Variants in GPATCH1 observed in about 807,000 individuals in gnomAD.
GPATCH1 encodes G patch domain-containing protein 1.
Under a neutral mutation model 114.9 loss-of-function variants are expected in GPATCH1, and 73 were observed. The observed-to-expected ratio is 0.64, with a 90% CI of 0.53 to 0.77. GPATCH1 has a LOEUF of 0.77. Among genes scored for constraint, GPATCH1 ranks in the 30% least tolerant of loss-of-function variants. GPATCH1 has a pLI of 0.00. For missense variants in GPATCH1, 1,058 were observed against 1,144.3 expected (o/e 0.92, Z 1.09); for synonymous variants, 391 against 428.4 (o/e 0.91, Z 1.08).
At chr19:33,118,541 A>G (rs1398502261) in intron 16 of GPATCH1, among the ~76,000 whole-genome samples, 1 of 152,190 alleles carries the variant, frequency 6.6e-6, no homozygotes, top group East Asian at 1.9e-4. Context: ...TCTGCTTAAA[A>G]AACAAGATTA....
rs774925528 is a variant in GPATCH1 at position 33,126,674 on chromosome 19, C to A, written c.2706C>A (p.Ser902Arg). 3.2e-5 allele frequency: 51 copies of A among 1,613,940 alleles called. No homozygotes were observed. The highest frequency in any genetic ancestry group is 4.0e-5 in the African/African-American group (3 of 74,884). Residue 902 changes from serine to arginine, a missense_variant, in exon 19 of 20, where the codon AGC (serine) becomes AGA (arginine). This residue lies in a region of GPATCH1 where 893 missense variants were observed against 977.4 expected (regional missense o/e 0.91). Transcript: ENST00000170564. Reference protein sequence around the residue: ...EKSSSSESSDSSDSQSDEETA... With the variant: ...EKSSSSESSDRSDSQSDEETA... ...GTAGTAGCTCCGAGAGTTCCGACAG[C>A]AGCGACAGCCAGAGTGACGAGGAAA... is the stretch of plus-strand genomic sequence containing the variant.
intron 8 of GPATCH1, among the ~76,000 whole-genome samples, chr19:33,098,740 G>T (rs1972691995): frequency 6.6e-6 from 1 of 152,126 alleles, no homozygotes; most frequent in African/African-American, 2.4e-5. Context: ...CTGAAGAAGT[G>T]GCACCTACTA....
intron 8 of GPATCH1, among the ~76,000 whole-genome samples, chr19:33,099,765 ATTTTTT>A (rs35230371): frequency 3.4e-5 from 4 of 118,326 alleles, no homozygotes; most frequent in African/African-American, 1.3e-4. Context: ...CGCCCAGCTA[ATTTTTT>A]TTTTTTTTTT....
chr19:33,097,680 A>C, intron 7 of GPATCH1, 75 bp from the exon 8 acceptor site: 3 of 1,344,378 alleles, frequency 2.2e-6, no homozygotes, highest in Non-Finnish European at 3.2e-6. Context: ...TCACATCCTT[A>C]AAGTAGCTTT....
chr19:33,081,546 C>T lies in GPATCH1; in HGVS notation c.73+280C>T, dbSNP rs75238645. ...AGCTAGTGTGAGAGCGGGGGGTGCTCAGGCAGTGTCTTCCCCGAGAGAGGA... is the reference window on the plus strand; with the variant it reads ...AGCTAGTGTGAGAGCGGGGGGTGCTTAGGCAGTGTCTTCCCCGAGAGAGGA... On this transcript the variant is annotated intron_variant, in intron 1 of 19. Coordinates refer to ENST00000170564, the MANE Select transcript of GPATCH1 (RefSeq NM_018025.3). Among the ~76,000 whole-genome samples the T allele has an allele frequency of 2.8e-3, 424 of 152,152 alleles. 2 individuals carry two copies. Among genetic ancestry groups the T allele is most frequent in the African/African-American group, 9.7e-3 (401 of 41,524 alleles).
In GPATCH1 at chr19:33,103,471, C is replaced by T. The variant is rs538946587; in HGVS notation, c.1080+1897C>T. On this transcript the variant is annotated intron_variant, in intron 9 of 19. Transcript: ENST00000170564. Reference sequence around the variant, plus strand: ...ATCCCAACACTTTGGGAGGCTGAGGCGGATGGATCACTTGAGGTCAGGAGT... The same window carrying T: ...ATCCCAACACTTTGGGAGGCTGAGGTGGATGGATCACTTGAGGTCAGGAGT... Among the ~76,000 whole-genome samples the T allele has an allele frequency of 2.0e-4, 30 of 152,206 alleles. No homozygotes were observed. The South Asian group carries it at 5.8e-3, about 29-fold the overall frequency.
At chr19:33,110,142 T>C in intron 11 of GPATCH1, 126 bp downstream of exon 11, 1 of 772,910 alleles carries the variant, frequency 1.3e-6, no homozygotes, top group Non-Finnish European at 2.0e-6. Context: ...TTTATCCTGC[T>C]GCAAATAGTG....
chr19:33,096,576 G>T (rs1470438773), intron 7 of GPATCH1, 130 bp downstream of exon 7: 6 of 724,246 alleles, frequency 8.3e-6, no homozygotes, highest in South Asian at 8.3e-5. Context: ...TCAGGTCAAA[G>T]ATTCTTTCTT....
At chr19:33,129,874 G>A (rs1350608159) in intron 19 of GPATCH1, among the ~76,000 whole-genome samples, 3 of 151,878 alleles carry the variant, frequency 2.0e-5, no homozygotes, top group Non-Finnish European at 4.4e-5. Flanking sequence ...AACCTGGGAG[G>A]CGGAGGTTGC....
rs568744455 is a variant in GPATCH1, at chr19:33,114,142, G to A, written c.2030-111G>A. The A allele has an allele frequency of 3.7e-6, 4 of 1,084,612 alleles. No individual in the cohort carries two copies. The East Asian group carries it at 7.1e-5, about 19-fold the overall frequency. The allele number at this position is 1,084,612 out of a possible 1,614,324, so 67.2% of individuals were successfully genotyped here. ...CTACCTCCCCAGGACCCTACACAGT[G>A]CCAGGCCCCTAGTAGGCACGCTGAC... On this transcript the variant is annotated intron_variant, in intron 14 of 19. Transcript: ENST00000170564.
In GPATCH1 at chr19:33,113,790, G is replaced by A. The variant is rs542021751; in HGVS notation, c.1916G>A (p.Arg639Lys). The A allele has an allele frequency of 6.2e-7, 1 of 1,613,746 alleles. No individual in the cohort carries two copies. The highest frequency in any genetic ancestry group is 1.7e-5 in the Admixed American group (1 of 59,980). ...AGTTCAACTTTAGTTGGCTTACCAA[G>A]AGTGAAGCGTGACAAGTACTCAGTC... ...YPDSTLVGLP[R>K]VKRDKYSVFN... The change falls in exon 14 of 20, where the codon AGA (arginine) becomes AAA (lysine). Residue 639 changes from arginine (R) to lysine (K), a missense_variant. Physicochemically the swap from Arg to Lys is conservative, Grantham distance 26 (BLOSUM62 2). This residue lies in a region of GPATCH1 where 893 missense variants were observed against 977.4 expected (regional missense o/e 0.91). Transcript: ENST00000170564.
intron 13 of GPATCH1, 90 bp from the exon 14 acceptor site, chr19:33,113,677 A>G: frequency 9.1e-7 from 1 of 1,095,848 alleles, no homozygotes; most frequent in Non-Finnish European, 1.4e-6. Context: ...GTCATGCAGA[A>G]GAGGTGGAAA....
intron 8 of GPATCH1, among the ~76,000 whole-genome samples, chr19:33,100,846 C>T (rs1317702259): frequency 1.3e-5 from 2 of 150,940 alleles, no homozygotes; most frequent in Non-Finnish European, 2.9e-5. Context: ...GGACTTTTGG[C>T]GTAACCAGTA....
At chr19:33,088,749 C>T (rs765300167) in intron 2 of GPATCH1, among the ~76,000 whole-genome samples, 9 of 150,886 alleles carry the variant, frequency 6.0e-5, no homozygotes, top group Non-Finnish European at 1.2e-4. Context: ...CTCCGCCTCC[C>T]GGGTTCAAGC....
At chr19:33,125,282 C>T (rs1973028366) in intron 18 of GPATCH1, 80 bp downstream of exon 18, 1 of 1,479,990 alleles carries the variant, frequency 6.8e-7, no homozygotes, top group Non-Finnish European at 9.1e-7. Context: ...TATACTGCAG[C>T]TGAAGAGCGG....
intron 12 of GPATCH1, 115 bp downstream of exon 12, chr19:33,112,017 G>A (rs1414203631): frequency 4.1e-6 from 3 of 733,498 alleles, no homozygotes; most frequent in Non-Finnish European, 6.7e-6. Context: ...CCAGGCTAGA[G>A]TGCAGTGGTG....
chr19:33,128,937 C>CG (rs1416821298), intron 19 of GPATCH1, among the ~76,000 whole-genome samples: 1 of 152,138 alleles, frequency 6.6e-6, no homozygotes, highest in Non-Finnish European at 1.5e-5. Context: ...CTGCCACGAA[C>CG]ATTCCTATAT....
At chr19:33,090,957 G>A in intron 3 of GPATCH1, 92 bp downstream of exon 3, 3 of 746,368 alleles carry the variant, frequency 4.0e-6, no homozygotes, top group South Asian at 2.9e-5. Context: ...AAGGTCCAAT[G>A]TACGATTTCC....
Position 33,109,943 on chromosome 19 carries a change from G to A in GPATCH1, c.1512G>A (p.Lys504=), listed in dbSNP as rs746083596. ...CCACCTTAAAAGCCAGCAACTTCAA[G>A]CCTTTCGCCAAAGATCCGGAAAAGC... The part of the protein sequence containing the change: ...GTATLKASNF[K]PFAKDPEKQK... The change falls in exon 11 of 20, where the codon AAG becomes AAA. Residue 504 remains lysine, a synonymous_variant. Coordinates refer to ENST00000170564, the MANE Select transcript of GPATCH1 (RefSeq NM_018025.3). 2.0e-5 allele frequency: 33 copies of A among 1,614,040 alleles called. No homozygotes were observed. The highest frequency in any genetic ancestry group is 2.5e-5 in the Non-Finnish European group (30 of 1,180,014).
Sources: allele counts gnomAD v4.1 joint callset (sites outside exome capture counted in the v4.1 genomes callset), GRCh38; gene constraint gnomAD v4.1.1; regional missense constraint gnomAD v4.1.1; transcripts MANE v1.5; gene names NCBI Gene and HGNC (gene_info 2026-07-23, HGNC 2026-07-21).